Variants in BCL9 observed in about 807,000 individuals in gnomAD.
BCL9 encodes the protein B-cell CLL/lymphoma 9 protein.
A neutral mutation model predicts 88.5 loss-of-function variants in BCL9; 25 were observed. The ratio of observed to expected loss-of-function variants is 0.28; its 90% CI spans 0.21 to 0.39. BCL9 has a LOEUF of 0.39. BCL9 is among the 10% of genes least tolerant of loss of function. The pLI is 1.00. For synonymous variants in BCL9, 711 were observed against 673.3 expected, an observed-to-expected ratio of 1.06 and a Z score of -0.87; for missense variants, 1,817 against 1,877.8, an observed-to-expected ratio of 0.97 and a Z score of 0.60.
intron 1 of BCL9, among the ~76,000 whole-genome samples, chr1:147,596,648 CG>C: frequency 1.3e-5 from 2 of 152,018 alleles, no homozygotes; most frequent in Admixed American, 1.3e-4. Flanking sequence ...CTCCTGACCT[CG>C]TGATCCGCCC....
intron 3 of BCL9, among the ~76,000 whole-genome samples, chr1:147,610,577 T>C (rs1312619122): frequency 6.6e-6 from 1 of 152,212 alleles, no homozygotes; most frequent in Non-Finnish European, 1.5e-5. Context: ...CTGTAGTCAC[T>C]AGTCCTGCAC....
intron 1 of BCL9, among the ~76,000 whole-genome samples, chr1:147,573,860 T>C (rs907927125): frequency 2.6e-5 from 4 of 152,244 alleles, no homozygotes; most frequent in Middle Eastern, 6.8e-3. Flanking sequence ...TAACTCTCAG[T>C]CATGTGTTTT....
chr1:147,617,893 G>T (rs1231711502), intron 7 of BCL9, among the ~76,000 whole-genome samples: 1 of 152,200 alleles, frequency 6.6e-6, no homozygotes, highest in Non-Finnish European at 1.5e-5. Context: ...TATTTCAGCA[G>T]TGCTCTTGGT....
chr1:147,563,694 G>T lies in BCL9; in HGVS notation c.-478+22020G>T, dbSNP rs587611087. On this transcript the variant is annotated intron_variant, in intron 1 of 9. Transcript: ENST00000234739. The stretch of plus-strand genomic sequence containing the variant: ...GTGTCCTGAGATCATCTACTTGGTA[G>T]ACTTTAGCAGAAATGCTACCACGTC... Among the ~76,000 whole-genome samples the T allele has an allele frequency of 5.3e-5, 8 of 152,328 alleles. No individual in the cohort carries two copies. The South Asian group carries it at 1.2e-3, about 24-fold the overall frequency.
Position 147,591,285 on chromosome 1 carries a change from A to G in BCL9, c.-477-13492A>G, listed in dbSNP as rs1021691034. Reference sequence around the variant, plus strand: ...CTTTATCTAAATTATATTCTTCATAATTAATTCCCACCTTATTTATCTATC... The same window carrying G: ...CTTTATCTAAATTATATTCTTCATAGTTAATTCCCACCTTATTTATCTATC... On this transcript the variant is annotated intron_variant, in intron 1 of 9. Transcript: ENST00000234739. Among the ~76,000 whole-genome samples, 4 of 152,162 alleles carry G rather than the reference A, an allele frequency of 2.6e-5. No individual in the cohort carries two copies. The South Asian group carries it at 8.3e-4, about 32-fold the overall frequency.
At chr1:147,621,705 C>T (rs1658658660) in intron 8 of BCL9, among the ~76,000 whole-genome samples, 3 of 152,096 alleles carry the variant, frequency 2.0e-5, no homozygotes, top group Admixed American at 2.0e-4. Context: ...AGAATCAGAG[C>T]AAGATAGAAG....
At chr1:147,549,519 A>T (rs1424398170) in intron 1 of BCL9, among the ~76,000 whole-genome samples, 5 of 152,228 alleles carry the variant, frequency 3.3e-5, no homozygotes, top group Admixed American at 1.3e-4. Flanking sequence ...GGAAGTCTGG[A>T]CAATCAGAGA....
At position 147,622,388 on chromosome 1, in the gene BCL9, C is replaced by A. The variant is rs1463805648; in HGVS notation, c.3020C>A (p.Ser1007Tyr). The change falls in exon 9 of 10, where the codon TCT becomes TAT. Residue 1007 changes from serine (S) to tyrosine (Y), a missense_variant. Transcript: ENST00000234739. The part of the protein sequence containing the change: ...PEPTLSQNPL[S>Y]IMMSRMSKFA... ...CCAACCCTTTCCCAGAACCCACTCT[C>A]TATTATGATGTCTCGAATGTCCAAG... 13 of 1,614,076 alleles carry A rather than the reference C, an allele frequency of 8.1e-6. No individual in the cohort carries two copies. The highest frequency in any genetic ancestry group is 1.1e-5 in the Non-Finnish European group (13 of 1,180,054).
At chr1:147,552,433 C>T (rs1462945464) in intron 1 of BCL9, among the ~76,000 whole-genome samples, 2 of 151,820 alleles carry the variant, frequency 1.3e-5, no homozygotes, top group Non-Finnish European at 2.9e-5. Flanking sequence ...CATGGAAACC[C>T]TGTCTCTACT....
intron 3 of BCL9, among the ~76,000 whole-genome samples, chr1:147,610,995 G>A (rs782770521): frequency 2.6e-5 from 4 of 152,112 alleles, no homozygotes; most frequent in African/African-American, 4.8e-5. Flanking sequence ...TGGAAATCAG[G>A]GGGCAGAACT....
chr1:147,620,786 C>T lies in BCL9; in HGVS notation c.2631C>T (p.Gly877=). The T allele has an allele frequency of 6.2e-7, 1 of 1,614,144 alleles. No individual in the cohort carries two copies. Among genetic ancestry groups the T allele is most frequent in the Non-Finnish European group, 8.5e-7 (1 of 1,180,032 alleles). The change falls in exon 8 of 10, where the codon GGC becomes GGT. Residue 877 remains glycine, a synonymous_variant. Coordinates refer to ENST00000234739, the MANE Select transcript of BCL9 (RefSeq NM_004326.4). ...ACCAAGTCCAGTCACCAATGCTGGG[C>T]TCGCCCTCGGGGAACCTCAAGTCCC... The part of the protein sequence containing the change: ...TMHQVQSPML[G]SPSGNLKSPQ...
rs142746917 is a variant in BCL9, at chr1:147,550,631, G to A, written c.-478+8957G>A. 2.2e-3 allele frequency among the ~76,000 whole-genome samples: 340 copies of A among 152,302 alleles called. 1 individual carries two copies. Among genetic ancestry groups the A allele is most frequent in the African/African-American group, 7.9e-3 (330 of 41,566 alleles). On this transcript the variant is annotated intron_variant, in intron 1 of 9. Transcript: ENST00000234739. ...AGCATACTACTGGAATTGGGGACCA[G>A]GATGAGGATAAATAGAAGCATTAAA...
intron 1 of BCL9, among the ~76,000 whole-genome samples, chr1:147,549,501 A>T (rs1414913919): frequency 1.3e-5 from 2 of 152,192 alleles, no homozygotes; most frequent in Non-Finnish European, 2.9e-5. Flanking sequence ...AAAATCAGAG[A>T]TCTTTGAGGA....
At chr1:147,547,062 C>T (rs1654639323) in intron 1 of BCL9, among the ~76,000 whole-genome samples, 1 of 151,970 alleles carries the variant, frequency 6.6e-6, no homozygotes, top group Admixed American at 6.6e-5. Flanking sequence ...GTGTAAGCAA[C>T]TATAGTGCTG....
chr1:147,585,474 A>G (rs1259620580), intron 1 of BCL9, among the ~76,000 whole-genome samples: 4 of 152,052 alleles, frequency 2.6e-5, no homozygotes, highest in Non-Finnish European at 5.9e-5. Context: ...AACGATGGGG[A>G]GGGGATGATA....
At position 147,621,788 on chromosome 1, in the gene BCL9, C is replaced by T. The variant is rs115297875; in HGVS notation, c.2903-483C>T. On this transcript the variant is annotated intron_variant, in intron 8 of 9. Coordinates refer to ENST00000234739, the MANE Select transcript of BCL9 (RefSeq NM_004326.4). ...TGAAGCAGTACAGTGGAACAGCCCC[C>T]TCAGACCTTCTTGGTTCAAACATCT... 3.6e-3 allele frequency among the ~76,000 whole-genome samples: 541 copies of T among 152,278 alleles called. 1 individual carries two copies. Among genetic ancestry groups the T allele is most frequent in the African/African-American group, 0.012 (491 of 41,538 alleles).
intron 1 of BCL9, among the ~76,000 whole-genome samples, chr1:147,578,865 C>T (rs1472292040): frequency 2.7e-4 from 41 of 150,550 alleles, no homozygotes; most frequent in Admixed American, 2.4e-3. Flanking sequence ...GGTTTTCTTT[C>T]TTTTTTTTTC....
At chr1:147,567,652 A>T (rs1474067928) in intron 1 of BCL9, among the ~76,000 whole-genome samples, 3 of 152,226 alleles carry the variant, frequency 2.0e-5, no homozygotes, top group Non-Finnish European at 4.4e-5. Flanking sequence ...CCTCAATGAG[A>T]ATAATGCCTA....
chr1:147,579,502 C>T (rs587660717), intron 1 of BCL9, among the ~76,000 whole-genome samples: 50 of 152,274 alleles, frequency 3.3e-4, no homozygotes, highest in African/African-American at 1.2e-3. Context: ...TGAGGGTGCC[C>T]CTCTTATAGC....
Sources: allele counts gnomAD v4.1 joint callset (sites outside exome capture counted in the v4.1 genomes callset), GRCh38; gene constraint gnomAD v4.1.1; transcripts MANE v1.5; gene names NCBI Gene and HGNC (gene_info 2026-07-23, HGNC 2026-07-21).